DOCK3: variants seen among roughly 807,000 people sequenced by gnomAD.
DOCK3 encodes the protein dedicator of cytokinesis 3.
DOCK3 carries 60 observed loss-of-function variants against 265.6 expected under a neutral mutation model. The ratio of observed to expected loss-of-function variants is 0.23; its 90% confidence interval spans 0.18 to 0.28. DOCK3 has a LOEUF of 0.28. Among genes scored for constraint, DOCK3 ranks in the 10% least tolerant of loss-of-function variants. The probability of loss-of-function intolerance (pLI) is 1.00; values close to 1 mark genes in which losing one functional copy is unlikely to be tolerated. For missense variants in DOCK3, 1,981 were observed against 2,594.3 expected, an observed-to-expected ratio of 0.76 and a Z score of 5.14; for synonymous variants, 881 against 938.0, an observed-to-expected ratio of 0.94 and a Z score of 1.11.
chr3:51,286,488 A>T (rs7614317), intron 27 of DOCK3, among the ~76,000 whole-genome samples: 125,002 of 152,124 alleles, frequency 0.82, 51,941 homozygotes, highest in Middle Eastern at 0.9. Context: ...ATATGGAATT[A>T]AAAAAAAGCC....
intron 6 of DOCK3, among the ~76,000 whole-genome samples, chr3:51,072,621 T>A (rs1229742718): frequency 1.3e-5 from 2 of 151,886 alleles, no homozygotes; most frequent in African/African-American, 4.8e-5. Flanking sequence ...GATGACCAGG[T>A]CAGTCTTGAA....
intron 10 of DOCK3, among the ~76,000 whole-genome samples, chr3:51,148,502 C>G (rs2085410176): frequency 6.6e-6 from 1 of 152,168 alleles, no homozygotes; most frequent in Non-Finnish European, 1.5e-5. Flanking sequence ...CTTAATCCAT[C>G]TTGAATTAAT....
chr3:50,971,601 T>C (rs1417957155), intron 5 of DOCK3, among the ~76,000 whole-genome samples: 10 of 152,176 alleles, frequency 6.6e-5, no homozygotes, highest in African/African-American at 1.9e-4. Flanking sequence ...AGATTTTATA[T>C]TGGGTTTTGC....
intron 4 of DOCK3, among the ~76,000 whole-genome samples, chr3:50,904,520 C>A (rs906764793): frequency 2.6e-5 from 4 of 152,090 alleles, no homozygotes; most frequent in Non-Finnish European, 4.4e-5. Flanking sequence ...CCAGTGACAA[C>A]GAATATTTTT....
chr3:50,898,705 C>T (rs2049023596), intron 4 of DOCK3: 1 of 152,188 alleles, frequency 6.6e-6, no homozygotes, highest in African/African-American at 2.4e-5. Flanking sequence ...TTTCAAAGAA[C>T]ATCTTTATTT....
intron 1 of DOCK3, among the ~76,000 whole-genome samples, chr3:50,770,493 G>C (rs1025398653): frequency 6.6e-6 from 1 of 151,852 alleles, no homozygotes; most frequent in Non-Finnish European, 1.5e-5. Context: ...GGAACAATCA[G>C]TATTTTTTAA....
intron 1 of DOCK3, among the ~76,000 whole-genome samples, chr3:50,724,442 A>G (rs557619437): frequency 1.1e-4 from 16 of 152,354 alleles, no homozygotes; most frequent in African/African-American, 3.8e-4. Flanking sequence ...GAACCAACCC[A>G]AATGCCCATC....
intron 5 of DOCK3, among the ~76,000 whole-genome samples, chr3:51,004,608 G>A (rs533942585): frequency 5.3e-5 from 8 of 151,590 alleles, no homozygotes; most frequent in Non-Finnish European, 1.0e-4. Flanking sequence ...ATAGTAGAAT[G>A]ATTGTAGTAG....
chr3:50,713,635 A>G (rs2036909546), intron 1 of DOCK3, among the ~76,000 whole-genome samples: 1 of 148,346 alleles, frequency 6.7e-6, no homozygotes, highest in Non-Finnish European at 1.5e-5. Context: ...ATAGTCTGAT[A>G]AATTATATAT....
At chr3:50,902,899 G>C (rs1373063342) in intron 4 of DOCK3, among the ~76,000 whole-genome samples, 1 of 152,154 alleles carries the variant, frequency 6.6e-6, no homozygotes, top group African/African-American at 2.4e-5. Flanking sequence ...TGTCTGGTTA[G>C]TGATATTTCT....
chr3:50,877,200 C>T, intron 3 of DOCK3: 1 of 311,362 alleles, frequency 3.2e-6, no homozygotes, highest in Non-Finnish European at 6.4e-6. Flanking sequence ...TGTCATCTGG[C>T]TTCTTTCTCC....
intron 51 of DOCK3, among the ~76,000 whole-genome samples, chr3:51,376,338 G>A (rs574971186): frequency 6.6e-6 from 1 of 152,226 alleles, no homozygotes; most frequent in African/African-American, 2.4e-5. Context: ...AAAGGAGTCC[G>A]GTCCTTCTGT....
intron 5 of DOCK3, among the ~76,000 whole-genome samples, chr3:50,996,351 G>A (rs2078284062): frequency 6.6e-6 from 1 of 151,644 alleles, no homozygotes; most frequent in South Asian, 2.1e-4. Context: ...CCAAGTAGCT[G>A]GAACTACAGA....
At chr3:51,277,885 GCCCTCTT>G in intron 26 of DOCK3, 131 bp downstream of exon 26, 2 of 1,512,450 alleles carry the variant, frequency 1.3e-6, no homozygotes, top group South Asian at 2.6e-5. Flanking sequence ...TCAGCATGCT[GCCCTCTT>G]CCCTTCTTGA....
chr3:50,694,310 A>C (rs1251296884), intron 1 of DOCK3, among the ~76,000 whole-genome samples: 2 of 152,154 alleles, frequency 1.3e-5, no homozygotes, highest in Non-Finnish European at 2.9e-5. Flanking sequence ...AAGAATGGTA[A>C]GAGTTTCTAA....
chr3:50,869,624 G>C (rs902596393), intron 3 of DOCK3, among the ~76,000 whole-genome samples: 1 of 151,616 alleles, frequency 6.6e-6, no homozygotes, highest in African/African-American at 2.4e-5. Flanking sequence ...CACCTGTTTT[G>C]GCCTCCGAAA....
chr3:51,232,363 T>C (rs2078162276), intron 19 of DOCK3, among the ~76,000 whole-genome samples: 1 of 152,228 alleles, frequency 6.6e-6, no homozygotes, highest in African/African-American at 2.4e-5. Context: ...TTTCATGTAA[T>C]GGCTTCTTTT....
At chr3:51,018,466 A>G (rs1405130770) in intron 5 of DOCK3, among the ~76,000 whole-genome samples, 1 of 151,134 alleles carries the variant, frequency 6.6e-6, no homozygotes, top group Admixed American at 6.6e-5. Flanking sequence ...GTAAAATTAA[A>G]AAAAAAAAAG....
rs1467795034 is a variant in DOCK3, at chr3:51,167,375, G to A, written c.1037+6673G>A. Among the ~76,000 whole-genome samples, 4 of 152,162 alleles carry A rather than the reference G, an allele frequency of 2.6e-5. 1 individual carries two copies. The highest frequency in any genetic ancestry group is 9.7e-5 in the African/African-American group (4 of 41,440). The stretch of plus-strand genomic sequence containing the variant: ...TTACAACATTATTTGAAATCAGGAA[G>A]TGTGATGCCCCTAGCTTTGTCCTTA... On this transcript the variant is annotated intron_variant, in intron 12 of 52. Transcript: ENST00000266037.
Sources: allele counts gnomAD v4.1 joint callset (sites outside exome capture counted in the v4.1 genomes callset), GRCh38; gene constraint gnomAD v4.1.1; transcripts MANE v1.5; gene names NCBI Gene and HGNC (gene_info 2026-07-23, HGNC 2026-07-21).